The following ACBD6 variants were observed in gnomAD, a reference collection of about 807,000 sequenced individuals.
The protein encoded by ACBD6 is acyl-CoA-binding domain-containing protein 6.
ACBD6 carries 28 observed loss-of-function variants against 37.2 expected under a neutral mutation model. That is an observed-to-expected ratio of 0.75 (90% CI 0.56 to 1.03). The LOEUF is 1.03. Ranked by LOEUF, ACBD6 falls within the 50% of genes least tolerant of loss-of-function variation. The probability of loss-of-function intolerance (pLI) is 0.00; values close to 1 mark genes in which losing one functional copy is unlikely to be tolerated. For synonymous variants in ACBD6, 113 were observed against 126.8 expected, an observed-to-expected ratio of 0.89 and a Z score of 0.73; for missense variants, 340 against 337.4, an observed-to-expected ratio of 1.01 and a Z score of -0.06.
At chr1:180,300,820 G>C (rs1650103799) in intron 7 of ACBD6, among the ~76,000 whole-genome samples, 1 of 152,166 alleles carries the variant, frequency 6.6e-6, no homozygotes, top group South Asian at 2.1e-4. Context: ...CCCAAGTACA[G>C]TCTTGAAAAC....
chr1:180,306,765 G>A (rs1432992446), intron 7 of ACBD6, among the ~76,000 whole-genome samples: 1 of 152,172 alleles, frequency 6.6e-6, no homozygotes, highest in Non-Finnish European at 1.5e-5. Context: ...TTATTAGTAA[G>A]TATATCTTCA....
chr1:180,273,942 AT>A, exon 11 of ACBD6: 1 of 559,156 alleles, frequency 1.8e-6, no homozygotes, highest in Non-Finnish European at 3.2e-6. Context: ...CTCACCAAAC[AT>A]TTGTCCATCC....
intron 3 of ACBD6, among the ~76,000 whole-genome samples, chr1:180,480,127 T>G (rs1407031779): frequency 1.3e-5 from 2 of 152,204 alleles, no homozygotes; most frequent in African/African-American, 4.8e-5. Context: ...ACTTTGTATA[T>G]CATGCTAATT....
intron 9 of ACBD6, chr1:180,277,115 A>G (rs893161392): frequency 2.2e-4 from 33 of 151,476 alleles, no homozygotes; most frequent in Admixed American, 2.1e-3. Context: ...CTCCCCAGAA[A>G]GCAGCAAACA....
intron 3 of ACBD6, among the ~76,000 whole-genome samples, chr1:180,445,166 G>A (rs149764985): frequency 1.3e-5 from 2 of 152,204 alleles, no homozygotes; most frequent in African/African-American, 4.8e-5. Flanking sequence ...TGGCCATTTT[G>A]TAAGTGTTAG....
intron 7 of ACBD6, among the ~76,000 whole-genome samples, chr1:180,303,716 A>C (rs2149285191): frequency 6.6e-6 from 1 of 151,038 alleles, no homozygotes; most frequent in South Asian, 2.1e-4. Context: ...AAACTATTCC[A>C]ATCAATAGAA....
intron 6 of ACBD6, among the ~76,000 whole-genome samples, chr1:180,348,514 T>C (rs1652278894): frequency 6.6e-6 from 1 of 152,102 alleles, no homozygotes; most frequent in Admixed American, 6.6e-5. Context: ...GAATTTGAGG[T>C]TGTGACAGGA....
chr1:180,310,072 C>T (rs571122434), intron 7 of ACBD6, among the ~76,000 whole-genome samples: 2 of 152,204 alleles, frequency 1.3e-5, no homozygotes, highest in East Asian at 3.9e-4. Flanking sequence ...TTGTTAATCT[C>T]TTTGAGTTTT....
intron 6 of ACBD6, among the ~76,000 whole-genome samples, chr1:180,316,419 T>C (rs914499334): frequency 6.6e-6 from 1 of 152,012 alleles, no homozygotes; most frequent in African/African-American, 2.4e-5. Context: ...TGTCCTGCAT[T>C]AGGAAGCAAT....
At chr1:180,325,725 T>C (rs1178461702) in intron 6 of ACBD6, among the ~76,000 whole-genome samples, 2 of 152,232 alleles carry the variant, frequency 1.3e-5, no homozygotes, top group Non-Finnish European at 2.9e-5. Flanking sequence ...TTTCCAGGTA[T>C]TGGAAGAGAA....
chr1:180,379,697 T>C (rs1436596921), intron 6 of ACBD6, among the ~76,000 whole-genome samples: 1 of 151,982 alleles, frequency 6.6e-6, no homozygotes, highest in Non-Finnish European at 1.5e-5. Flanking sequence ...CGCAGATACC[T>C]CAGCCAAACA....
chr1:180,270,614 T>A (rs1409851698), exon 14 of ACBD6: 1 of 153,124 alleles, frequency 6.5e-6, no homozygotes, highest in Non-Finnish European at 1.5e-5. Flanking sequence ...GATCAGTCAG[T>A]GTGTTGCCCA....
In ACBD6 at chr1:180,288,472, G is replaced by T; in HGVS notation, c.740C>A (p.Ser247Tyr). ...GTCTCGGAGAGTGGGGTCAGCACCA[G>T]ACTGGAGCAGCAGCTCTACAATATC... ...FLDIVELLLQ[S>Y]GADPTLRDQD... is the part of the protein sequence containing the mutation. Residue 247 changes from serine (S) to tyrosine (Y), a missense_variant, in exon 8 of 8, where the codon TCT (serine) becomes TAT (tyrosine). Ser to Tyr is a moderately radical substitution (Grantham distance 144, BLOSUM62 -2). Coordinates refer to ENST00000367595, the MANE Select transcript of ACBD6 (RefSeq NM_032360.4). The T allele has an allele frequency of 6.2e-7, 1 of 1,613,726 alleles. No homozygotes were observed. Among genetic ancestry groups the T allele is most frequent in the Non-Finnish European group, 8.5e-7 (1 of 1,179,930 alleles).
At chr1:180,486,834 A>G (rs190996577) in intron 3 of ACBD6, among the ~76,000 whole-genome samples, 1 of 152,316 alleles carries the variant, frequency 6.6e-6, no homozygotes, top group African/African-American at 2.4e-5. Flanking sequence ...ACATCCCAAT[A>G]TTGGGACAAA....
At chr1:180,488,759 A>T (rs900125204) in intron 3 of ACBD6, among the ~76,000 whole-genome samples, 6 of 151,866 alleles carry the variant, frequency 4.0e-5, no homozygotes, top group South Asian at 2.1e-4. Context: ...TTCTTTTTTT[A>T]AAATAGAGAT....
chr1:180,379,792 A>G lies in ACBD6; in HGVS notation c.663+17724T>C, dbSNP rs377226086. On this transcript the variant is annotated intron_variant, in intron 6 of 7. Coordinates refer to ENST00000367595, the MANE Select transcript of ACBD6 (RefSeq NM_032360.4). ...CATAAAATGACCAAATAGGCAAAGT[A>G]TTGGAACCCCAGAAGGCAAAGAGAA... is the stretch of plus-strand genomic sequence containing the variant. Among the ~76,000 whole-genome samples, 11 of 152,372 alleles carry G rather than the reference A, an allele frequency of 7.2e-5. No individual in the cohort carries two copies. In the East Asian group the frequency reaches 1.5e-3, roughly 21 times the overall value.
At position 180,321,752 on chromosome 1, in the gene ACBD6, T is replaced by C. The variant is rs561483975; in HGVS notation, c.664-7030A>G. On this transcript the variant is annotated intron_variant, in intron 6 of 7. Transcript: ENST00000367595. ...TACTGAATTTGTTTATCAGTTCTAA[T>C]TGTTTTACGGTGGAGTCTTTAGGTT... 1.8e-3 allele frequency among the ~76,000 whole-genome samples: 276 copies of C among 152,258 alleles called. 1 individual carries two copies. The highest frequency in any genetic ancestry group is 1.0e-3 in the Non-Finnish European group (70 of 67,980).
intron 5 of ACBD6, among the ~76,000 whole-genome samples, chr1:180,409,605 T>C (rs1647770733): frequency 6.6e-6 from 1 of 152,192 alleles, no homozygotes; most frequent in South Asian, 2.1e-4. Context: ...CTGATGTTAC[T>C]ATTGTAATTG....
intron 6 of ACBD6, among the ~76,000 whole-genome samples, chr1:180,360,115 T>C (rs542394535): frequency 6.6e-6 from 1 of 152,346 alleles, no homozygotes; most frequent in East Asian, 1.9e-4. Flanking sequence ...TGCAATTGGT[T>C]ATAGAAAACA....
Sources: gnomAD v4.1 joint callset for allele counts (sites outside exome capture counted in the v4.1 genomes callset) on GRCh38, gnomAD v4.1.1 for gene constraint, MANE v1.5 for transcripts, NCBI Gene and HGNC (gene_info 2026-07-23, HGNC 2026-07-21) for gene names.